MALRD1: variants seen among roughly 807,000 people sequenced by gnomAD.
MALRD1 encodes MAM and LDL receptor class A domain containing 1.
A neutral mutation model predicts 242.1 loss-of-function variants in MALRD1; 247 were observed. The ratio of observed to expected loss-of-function variants is 1.02; its 90% CI spans 0.92 to 1.13. The LOEUF (loss-of-function observed/expected upper bound fraction) is 1.13. Ranked by LOEUF, MALRD1 falls within the 50% of genes most tolerant of loss-of-function variation. The pLI, the probability that MALRD1 is intolerant of heterozygous loss-of-function variation, is 0.00. For missense variants in MALRD1, 2,989 were observed against 2,533.1 expected (o/e 1.18, Z -3.86); for synonymous variants, 995 against 866.6 (o/e 1.15, Z -2.60).
At chr10:19,534,351 C>T (rs1223337095) in intron 32 of MALRD1, among the ~76,000 whole-genome samples, 1 of 152,138 alleles carries the variant, frequency 6.6e-6, no homozygotes, top group Non-Finnish European at 1.5e-5. Context: ...GTGGAGGAAC[C>T]AGTGAAGTGG....
chr10:19,263,492 GT>G (rs200921232), intron 19 of MALRD1, among the ~76,000 whole-genome samples: 4 of 143,452 alleles, frequency 2.8e-5, no homozygotes, highest in Admixed American at 7.1e-5. Flanking sequence ...ATTATTTGTT[GT>G]TTTTTTTTGT....
chr10:19,233,178 T>G (rs1454345165), intron 18 of MALRD1, among the ~76,000 whole-genome samples: 3 of 152,214 alleles, frequency 2.0e-5, no homozygotes, highest in Middle Eastern at 3.4e-3. Flanking sequence ...GGGCTTTCCA[T>G]CCCCTCAAGC....
At chr10:19,634,056 G>T (rs1840024742) in intron 36 of MALRD1, among the ~76,000 whole-genome samples, 1 of 151,820 alleles carries the variant, frequency 6.6e-6, no homozygotes, top group African/African-American at 2.4e-5. Context: ...GGCTAGGCTG[G>T]TCTTGAACTC....
At chr10:19,182,504 ATT>A (rs1185771763) in intron 14 of MALRD1, among the ~76,000 whole-genome samples, 1 of 147,768 alleles carries the variant, frequency 6.8e-6, no homozygotes, top group African/African-American at 2.5e-5. Context: ...TTTTTTTTGT[ATT>A]TTTTTAGTAG....
rs189158416 is a variant in MALRD1, at chr10:19,447,688, G to T, written c.4846-2619G>T. On this transcript the variant is annotated intron_variant, in intron 28 of 39. Transcript: ENST00000454679. The stretch of plus-strand genomic sequence containing the variant: ...AAAGTGAATTAAGTTTGTAAATCAA[G>T]ACAGGCTTTTGTCAATATCCAGCCT... 9.7e-4 allele frequency among the ~76,000 whole-genome samples: 148 copies of T among 152,278 alleles called. 1 individual carries two copies. The highest frequency in any genetic ancestry group is 1.7e-3 in the South Asian group (8 of 4,828).
intron 36 of MALRD1, among the ~76,000 whole-genome samples, chr10:19,634,587 AGATCTTCAGCTCGGCATTGTTCTG>A (rs1310420869): frequency 2.0e-5 from 3 of 152,298 alleles, no homozygotes; most frequent in African/African-American, 7.2e-5. Flanking sequence ...ATGGAGACTT[AGATCTTCAGCTCGGCATTGTTCTG>A]GATTCTGTTG....
At chr10:19,189,231 A>C (rs1413969789) in intron 14 of MALRD1, among the ~76,000 whole-genome samples, 5 of 152,146 alleles carry the variant, frequency 3.3e-5, no homozygotes, top group Admixed American at 2.0e-4. Flanking sequence ...GATTCCTAGA[A>C]ATGTAAAACC....
intron 25 of MALRD1, among the ~76,000 whole-genome samples, chr10:19,348,903 G>C (rs1036209192): frequency 6.6e-6 from 1 of 152,074 alleles, no homozygotes; most frequent in Admixed American, 6.6e-5. Context: ...ATTCTGACTA[G>C]AGTGTTCCCC....
intron 32 of MALRD1, among the ~76,000 whole-genome samples, chr10:19,567,244 A>G (rs1564446269): frequency 6.6e-6 from 1 of 152,132 alleles, no homozygotes; most frequent in African/African-American, 2.4e-5. Flanking sequence ...TGCTTAAGAC[A>G]GTTACGGTTT....
chr10:19,496,515 C>T (rs1401881252), intron 30 of MALRD1, among the ~76,000 whole-genome samples: 1 of 152,126 alleles, frequency 6.6e-6, no homozygotes, highest in Non-Finnish European at 1.5e-5. Flanking sequence ...CTAATGAGAA[C>T]AGGCATACAA....
Position 19,344,939 on chromosome 10 carries a change from T to C in MALRD1, c.3902-2832T>C, listed in dbSNP as rs1591349. Among the ~76,000 whole-genome samples the C allele has an allele frequency of 8.1e-3, 1,234 of 152,206 alleles. 70 individuals carry two copies. The highest frequency in any genetic ancestry group is 0.075 in the Admixed American group (1,144 of 15,246). ...ATGACACAGCTTTAGACAAAGGTGATCATTGTCTTCCTGATGGCACAGGTG... is the reference window on the plus strand; with the variant it reads ...ATGACACAGCTTTAGACAAAGGTGACCATTGTCTTCCTGATGGCACAGGTG... On this transcript the variant is annotated intron_variant, in intron 24 of 39. Coordinates refer to ENST00000454679, the MANE Select transcript of MALRD1 (RefSeq NM_001142308.3).
chr10:19,416,152 A>G lies in MALRD1; in HGVS notation c.4845+26543A>G, dbSNP rs1240326837. The stretch of plus-strand genomic sequence containing the variant: ...TTTTTAGGATCTGGAGTTCTACTTA[A>G]TTGTGTTTGAAGTAGGTTAGATTTA... On this transcript the variant is annotated intron_variant, in intron 28 of 39. Transcript: ENST00000454679. Among the ~76,000 whole-genome samples the G allele has an allele frequency of 2.0e-5, 3 of 152,112 alleles. No individual in the cohort carries two copies. The East Asian group carries it at 5.8e-4, about 29-fold the overall frequency.
chr10:19,204,283 T>TG lies in MALRD1; in HGVS notation c.2105-25_2105-24insG, dbSNP rs557201813. On this transcript the variant is annotated intron_variant, in intron 15 of 39. Coordinates refer to ENST00000454679, the MANE Select transcript of MALRD1 (RefSeq NM_001142308.3). ...AGAATCCAATAGGTTAATGAAGCGTTTTTTTTTTTTTTTTATCTCAACAGG... is the reference window on the plus strand; with the variant it reads ...AGAATCCAATAGGTTAATGAAGCGTTGTTTTTTTTTTTTTTATCTCAACAGG... 914 of 847,888 alleles carry TG rather than the reference T, an allele frequency of 1.1e-3. 3 individuals are homozygous for TG. The South Asian group carries it at 0.019, about 17-fold the overall frequency. 52.5% of individuals were successfully genotyped at this position (847,888 alleles called of 1,614,324 possible).
chr10:19,620,462 C>A (rs1390887396), intron 36 of MALRD1, among the ~76,000 whole-genome samples: 1 of 151,974 alleles, frequency 6.6e-6, no homozygotes, highest in Non-Finnish European at 1.5e-5. Context: ...TATTCAGTCA[C>A]CATTGTAATT....
intron 19 of MALRD1, among the ~76,000 whole-genome samples, chr10:19,276,127 A>C (rs376152787): frequency 2.0e-5 from 3 of 152,222 alleles, no homozygotes; most frequent in African/African-American, 4.8e-5. Flanking sequence ...TAAATATGGA[A>C]CAGACCAGCT....
chr10:19,207,434 A>G (rs1157778184), intron 17 of MALRD1, among the ~76,000 whole-genome samples: 2 of 152,158 alleles, frequency 1.3e-5, no homozygotes, highest in East Asian at 3.9e-4. Context: ...GAAACTGAGA[A>G]TAGTACCTAG....
intron 36 of MALRD1, among the ~76,000 whole-genome samples, chr10:19,654,598 G>A (rs1362512536): frequency 1.3e-5 from 2 of 152,104 alleles, no homozygotes; most frequent in Admixed American, 6.6e-5. Context: ...CTTTGCTTTC[G>A]CTTACTCTCA....
At chr10:19,330,265 G>A (rs1843305644) in intron 23 of MALRD1, among the ~76,000 whole-genome samples, 2 of 150,408 alleles carry the variant, frequency 1.3e-5, no homozygotes, top group South Asian at 4.2e-4. Flanking sequence ...TGAGAGGCAT[G>A]ATTTCAATTA....
intron 29 of MALRD1, among the ~76,000 whole-genome samples, chr10:19,464,923 A>G (rs1386283158): frequency 7.1e-6 from 1 of 139,978 alleles, no homozygotes; most frequent in African/African-American, 2.7e-5. Context: ...GAGGTCTTTC[A>G]CCTCCTTGGT....
Sources: allele counts gnomAD v4.1 joint callset (sites outside exome capture counted in the v4.1 genomes callset), GRCh38; gene constraint gnomAD v4.1.1; transcripts MANE v1.5; gene names NCBI Gene and HGNC (gene_info 2026-07-23, HGNC 2026-07-21).